The following HAPLN2 variants were observed in gnomAD, a reference collection of about 807,000 sequenced individuals.
HAPLN2 encodes the protein brain link protein-1.
Under a neutral mutation model 29.3 loss-of-function variants are expected in HAPLN2, and 27 were observed. That is an observed-to-expected ratio of 0.92 (90% CI 0.68 to 1.27). The LOEUF (loss-of-function observed/expected upper bound fraction) is 1.27. HAPLN2 is among the 50% of genes most tolerant of loss of function. The pLI is 0.00. For missense variants in HAPLN2, 454 were observed against 484.3 expected (o/e 0.94, Z 0.59); for synonymous variants, 208 against 211.7 (o/e 0.98, Z 0.15).
the HAPLN2 span, among the ~76,000 whole-genome samples, chr1:156,612,524 G>A: frequency 3.3e-5 from 5 of 152,228 alleles, no homozygotes; most frequent in East Asian, 9.6e-4. Context: ...AAGTATTTGG[G>A]ACCACAAGCA....
Position 156,624,349 on chromosome 1 carries a change from A to G in HAPLN2, c.440-2A>G. On this transcript the variant is annotated splice_acceptor_variant, in intron 4 of 6. Coordinates refer to ENST00000255039, the MANE Select transcript of HAPLN2 (RefSeq NM_021817.3). LOFTEE classifies it high-confidence loss of function. ...CTCCCCAGGATCCCCGCCACCCCCT[A>G]GGTGTGGTGTTTCCGTACCAACCCA... The G allele has an allele frequency of 1.9e-6, 3 of 1,597,486 alleles. No homozygotes were observed. The highest frequency in any genetic ancestry group is 2.6e-6 in the Non-Finnish European group (3 of 1,171,740).
the HAPLN2 span, among the ~76,000 whole-genome samples, chr1:156,607,117 C>T: frequency 6.6e-6 from 1 of 152,306 alleles, no homozygotes; most frequent in East Asian, 1.9e-4. Flanking sequence ...CCTTACCATG[C>T]TTTGACAAGT....
At position 156,624,699 on chromosome 1, in the gene HAPLN2, G is replaced by C; in HGVS notation, c.655G>C (p.Gly219Arg). Residue 219 changes from glycine (G) to arginine (R), a missense_variant, in exon 6 of 7, where the codon GGC (glycine) becomes CGC (arginine). Physicochemically the swap from Gly to Arg is moderately radical, Grantham distance 125. Transcript: ENST00000255039. Reference sequence around the variant, plus strand: ...CGCACGCGCCCCGTGCGGCGGCCGAGGCCGGCCCGGGATCCGCAGCTACGG... The same window carrying C: ...CGCACGCGCCCCGTGCGGCGGCCGACGCCGGCCCGGGATCCGCAGCTACGG... ...LTARAPCGGRGRPGIRSYGPR... is the reference protein window; with the variant it reads ...LTARAPCGGRRRPGIRSYGPR... 6.3e-7 allele frequency: 1 copy of C among 1,593,584 alleles called. No homozygotes were observed. Among genetic ancestry groups the C allele is most frequent in the Non-Finnish European group, 8.5e-7 (1 of 1,173,366 alleles).
the HAPLN2 span, among the ~76,000 whole-genome samples, chr1:156,606,309 G>A: frequency 1.3e-5 from 2 of 151,656 alleles, no homozygotes; most frequent in Non-Finnish European, 2.9e-5. Flanking sequence ...TGAATGTGGC[G>A]GCCCACGCCC....
In HAPLN2 at chr1:156,625,334, C is replaced by T; in HGVS notation, c.973C>T (p.Pro325Ser). The T allele has an allele frequency of 1.3e-6, 2 of 1,598,964 alleles. No homozygotes were observed. The highest frequency in any genetic ancestry group is 8.5e-7 in the Non-Finnish European group (1 of 1,173,662). ...PDPGVRSFGF[P>S]RPQQAAYGTY... ...TCCCGGAGTGCGCAGTTTCGGCTTC[C>T]CCAGGCCCCAACAGGCAGCCTATGG... Residue 325 changes from proline (P) to serine (S), a missense_variant, in exon 7 of 7, where the codon CCC becomes TCC. Around this residue, in one of 3 missense-constraint regions of HAPLN2, gnomAD observed 235 missense variants for 236.9 expected, o/e 0.99. Transcript: ENST00000255039. This position sits in a 1 kb window ranked among gnomAD's most constrained non-coding sequence, Gnocchi z 5.7.
At chr1:156,612,287 G>A in the HAPLN2 span, among the ~76,000 whole-genome samples, 1 of 152,186 alleles carries the variant, frequency 6.6e-6, no homozygotes, top group Admixed American at 6.5e-5. Flanking sequence ...GCCTTCCAAA[G>A]TACTAGGATT....
At chr1:156,612,163 A>G in the HAPLN2 span, among the ~76,000 whole-genome samples, 1 of 152,146 alleles carries the variant, frequency 6.6e-6, no homozygotes, top group African/African-American at 2.4e-5. Flanking sequence ...AGCTGGGATT[A>G]CATGTGCCCA....
chr1:156,610,635 C>T, the HAPLN2 span, among the ~76,000 whole-genome samples: 2 of 147,422 alleles, frequency 1.4e-5, no homozygotes, highest in African/African-American at 5.1e-5. Flanking sequence ...AGCAAAACTC[C>T]GTCTCAAAAA....
At chr1:156,624,843 G>T in intron 6 of HAPLN2, 60 bp downstream of exon 6, 22 of 1,436,658 alleles carry the variant, frequency 1.5e-5, no homozygotes, top group Non-Finnish European at 2.0e-5. Flanking sequence ...GGGGGACGAG[G>T]AGTGGACCTC....
Position 156,625,575 on chromosome 1 carries a change from G to A in HAPLN2, c.*191G>A. Reference sequence around the variant, plus strand: ...GGCGGCGGGGAGGGGAGGCGGGGGCGCCTCCGGCGGCGAGATGCAGAGGTG... The same window carrying A: ...GGCGGCGGGGAGGGGAGGCGGGGGCACCTCCGGCGGCGAGATGCAGAGGTG... On this transcript the variant is annotated 3_prime_UTR_variant, in exon 7 of 7. Transcript: ENST00000255039. This position sits in a 1 kb window ranked among gnomAD's most constrained non-coding sequence, Gnocchi z 5.7. 1 of 558,508 alleles carries A rather than the reference G, an allele frequency of 1.8e-6. No individual in the cohort carries two copies. Among genetic ancestry groups the A allele is most frequent in the Non-Finnish European group, 2.9e-6 (1 of 339,020 alleles). The allele number at this position is 558,508 out of a possible 1,614,324, so 34.6% of individuals were successfully genotyped here.
In HAPLN2 at chr1:156,624,363, C is replaced by T. The variant is rs1334321542; in HGVS notation, c.452C>T (p.Pro151Leu). ...LTLSLEGVVF[P>L]YQPSRGRYQF... ...CGCCACCCCCTAGGTGTGGTGTTTC[C>T]GTACCAACCCAGCCGGGGCCGGTAC... is the stretch of plus-strand genomic sequence containing the variant. Residue 151 changes from proline (P) to leucine (L), a missense_variant, in exon 5 of 7, where the codon CCG becomes CTG. By Grantham distance (98) the Pro-to-Leu change is moderately conservative (BLOSUM62 -3). Coordinates refer to ENST00000255039, the MANE Select transcript of HAPLN2 (RefSeq NM_021817.3). The T allele has an allele frequency of 1.2e-6, 2 of 1,604,118 alleles. No individual in the cohort carries two copies. Among genetic ancestry groups the T allele is most frequent in the Non-Finnish European group, 1.7e-6 (2 of 1,175,586 alleles).
the HAPLN2 span, among the ~76,000 whole-genome samples, chr1:156,604,510 G>A: frequency 1.3e-5 from 2 of 152,086 alleles, no homozygotes; most frequent in African/African-American, 2.4e-5. Context: ...GGATGGTCTC[G>A]ATCTCTTGAC....
the HAPLN2 span, among the ~76,000 whole-genome samples, chr1:156,610,220 CA>C: frequency 1.3e-5 from 2 of 151,810 alleles, no homozygotes; most frequent in Non-Finnish European, 2.9e-5. Context: ...CTCAAAAAAA[CA>C]AAAACAAACA....
chr1:156,607,954 G>C, the HAPLN2 span, among the ~76,000 whole-genome samples: 1 of 151,638 alleles, frequency 6.6e-6, no homozygotes, highest in African/African-American at 2.4e-5. Flanking sequence ...AAAAAAAAAA[G>C]GTGAGCCTGT....
rs754044721 is a variant in HAPLN2, at chr1:156,624,174, G to C, written c.439+14G>C. 6.2e-7 allele frequency: 1 copy of C among 1,607,374 alleles called. No homozygotes were observed. Among genetic ancestry groups the C allele is most frequent in the South Asian group, 1.1e-5 (1 of 89,962 alleles). ...TGAGCTTGGAGGGTGAGGCCCTTCC[G>C]CTCCCGCCCCATTCCTGTGTAGCAG... On this transcript the variant is annotated intron_variant, in intron 4 of 6. Transcript: ENST00000255039.
At position 156,625,149 on chromosome 1, in the gene HAPLN2, CG is replaced by C; in HGVS notation, c.790del (p.Ala264ArgfsTer24). 1 of 1,542,870 alleles carries C rather than the reference CG, an allele frequency of 6.5e-7. No individual in the cohort carries two copies. Among genetic ancestry groups the C allele is most frequent in the East Asian group, 2.4e-5 (1 of 40,892 alleles). On this transcript the variant is annotated frameshift_variant, in exon 7 of 7. Transcript: ENST00000255039. LOFTEE classifies it low-confidence loss of function (END_TRUNC). This position sits in a 1 kb window ranked among gnomAD's most constrained non-coding sequence, Gnocchi z 5.7. Reference protein sequence around the residue: ...PGRLTLSEAHAACRRRGAVVA... With the variant: ...PGRLTLSEAHXACRRRGAVVA... ...CGGCTGACGCTGTCTGAAGCCCACG[CG>C]GCGTGCCGGCGACGCGGCGCCGTGG... is the stretch of plus-strand genomic sequence containing the variant.
At chr1:156,623,627 G>T (rs1478646027) in intron 3 of HAPLN2, 52 bp downstream of exon 3, 1 of 1,608,294 alleles carries the variant, frequency 6.2e-7, no homozygotes, top group Non-Finnish European at 8.5e-7. Flanking sequence ...GAGACTGCAA[G>T]GGTGGGGAAA....
At chr1:156,610,031 T>A in the HAPLN2 span, among the ~76,000 whole-genome samples, 4 of 151,628 alleles carry the variant, frequency 2.6e-5, no homozygotes, top group Non-Finnish European at 5.9e-5. Flanking sequence ...TTGACCAACA[T>A]GGTGAAACCC....
the HAPLN2 span, among the ~76,000 whole-genome samples, chr1:156,608,120 A>C: frequency 6.6e-6 from 1 of 152,184 alleles, no homozygotes; most frequent in African/African-American, 2.4e-5. Flanking sequence ...TTAGAATATC[A>C]TGTTCACAAA....
Sources: gnomAD v4.1 joint callset for allele counts (sites outside exome capture counted in the v4.1 genomes callset) on GRCh38, gnomAD v4.1.1 for gene constraint, gnomAD v4.1.1 regional missense constraint, Gnocchi (gnomAD v3.1) non-coding constraint, MANE v1.5 for transcripts, NCBI Gene and HGNC (gene_info 2026-07-23, HGNC 2026-07-21) for gene names.